Variants in DROSHA observed in about 807,000 individuals in gnomAD.
The protein encoded by DROSHA is ribonuclease 3.
Under a neutral mutation model 181.9 loss-of-function variants are expected in DROSHA, and 56 were observed. The ratio of observed to expected loss-of-function variants is 0.31; its 90% CI spans 0.25 to 0.38. DROSHA has a LOEUF of 0.38. Among genes scored for constraint, DROSHA ranks in the 10% least tolerant of loss-of-function variants. The pLI is 1.00. For missense variants in DROSHA, 1,218 were observed against 1,743.5 expected, an observed-to-expected ratio of 0.70 and a Z score of 5.37; for synonymous variants, 524 against 591.2, an observed-to-expected ratio of 0.89 and a Z score of 1.65.
At chr5:31,406,387 G>C (rs1020239772) in intron 34 of DROSHA, among the ~76,000 whole-genome samples, 2 of 151,988 alleles carry the variant, frequency 1.3e-5, no homozygotes, top group Non-Finnish European at 1.5e-5. Flanking sequence ...GCACATGCCT[G>C]TAATACTAGC....
rs1420527098 is a variant in DROSHA, at chr5:31,470,013, T to C, written c.2242-1950A>G. Reference sequence around the variant, plus strand: ...TGTGGTGTCTACCTTGTCGTATGAGTAACTTGCACACTTCTCAGTAGGATG... The same window carrying C: ...TGTGGTGTCTACCTTGTCGTATGAGCAACTTGCACACTTCTCAGTAGGATG... On this transcript the variant is annotated intron_variant, in intron 17 of 35. Coordinates refer to ENST00000344624, the MANE Select transcript of DROSHA (RefSeq NM_001382508.1). This position sits in a 1 kb window ranked among gnomAD's most constrained non-coding sequence, Gnocchi z 4.0. Among the ~76,000 whole-genome samples, 1 of 152,218 alleles carries C rather than the reference T, an allele frequency of 6.6e-6. No individual in the cohort carries two copies. Among genetic ancestry groups the C allele is most frequent in the African/African-American group, 2.4e-5 (1 of 41,454 alleles).
At chr5:31,429,324 T>A in intron 27 of DROSHA, 151 bp downstream of exon 27, 1 of 608,724 alleles carries the variant, frequency 1.6e-6, no homozygotes, top group Non-Finnish European at 2.6e-6. Context: ...AAGAGTTGAA[T>A]AAGCCATTTT....
At chr5:31,511,521 C>A (rs184051569) in intron 8 of DROSHA, among the ~76,000 whole-genome samples, 1 of 151,952 alleles carries the variant, frequency 6.6e-6, no homozygotes, top group Non-Finnish European at 1.5e-5. Flanking sequence ...GCCTGGGCAA[C>A]ATAGCAAGAC....
chr5:31,453,162 A>C (rs1411003257), intron 20 of DROSHA, among the ~76,000 whole-genome samples: 2 of 152,186 alleles, frequency 1.3e-5, no homozygotes, highest in Non-Finnish European at 2.9e-5. Context: ...CTGTCAGGAA[A>C]ATAAAACCCT....
intron 11 of DROSHA, among the ~76,000 whole-genome samples, chr5:31,500,588 A>C (rs1270254298): frequency 6.6e-6 from 1 of 152,226 alleles, no homozygotes; most frequent in East Asian, 1.9e-4. Context: ...CCAAATAATC[A>C]TGTTGCATGG....
chr5:31,428,506 G>A (rs673019), intron 27 of DROSHA, among the ~76,000 whole-genome samples: 125,292 of 152,198 alleles, frequency 0.82, 52,813 homozygotes, highest in East Asian at 0.97. Context: ...GGGACACAGA[G>A]CATCTGTAGA....
chr5:31,410,008 T>G (rs1741117457), intron 31 of DROSHA, among the ~76,000 whole-genome samples: 1 of 152,176 alleles, frequency 6.6e-6, no homozygotes, highest in Non-Finnish European at 1.5e-5. Context: ...TGTTTAATTT[T>G]TATGTGATTT....
chr5:31,405,390 G>A (rs1385525796), intron 35 of DROSHA, among the ~76,000 whole-genome samples: 20 of 147,576 alleles, frequency 1.4e-4, no homozygotes, highest in South Asian at 2.1e-4. Context: ...AAAAAAAAAA[G>A]AAAGAAAACA....
chr5:31,423,500 G>A (rs369539613), intron 28 of DROSHA, among the ~76,000 whole-genome samples: 3 of 152,146 alleles, frequency 2.0e-5, no homozygotes, highest in East Asian at 1.9e-4. Flanking sequence ...TTGGCAATGA[G>A]CATCATTAAA....
intron 9 of DROSHA, 78 bp downstream of exon 9, chr5:31,510,957 C>G: frequency 6.4e-7 from 1 of 1,553,922 alleles, no homozygotes; most frequent in Non-Finnish European, 8.7e-7. Flanking sequence ...ATGTGGGACT[C>G]TCAAGGGTAT....
At chr5:31,475,188 C>A (rs990966887) in intron 16 of DROSHA, among the ~76,000 whole-genome samples, 1 of 152,062 alleles carries the variant, frequency 6.6e-6, no homozygotes, top group Admixed American at 6.6e-5. Context: ...CATGGTGGTA[C>A]ACACTGGTGG....
rs1485879154 is a variant in DROSHA at position 31,526,869 on chromosome 5, G to A, written c.64C>T (p.Arg22Ter). 5.6e-6 allele frequency: 9 copies of A among 1,613,142 alleles called. No homozygotes were observed. Among genetic ancestry groups the A allele is most frequent in the Non-Finnish European group, 7.6e-6 (9 of 1,179,844 alleles). ...FHPGRGCPRG[R>*]GGHGARPSAP... The stretch of plus-strand genomic sequence containing the variant: ...GAGGGTCTGGCTCCATGTCCTCCTC[G>A]TCCTCGGGGACACCCTCGTCCCGGG... The change falls in exon 5 of 36, where the codon CGA becomes TGA. Residue 22 changes from arginine (R) to a stop codon, truncating the protein, a stop_gained. Coordinates refer to ENST00000344624, the MANE Select transcript of DROSHA (RefSeq NM_001382508.1). LOFTEE classifies it high-confidence loss of function.
intron 13 of DROSHA, among the ~76,000 whole-genome samples, chr5:31,492,083 C>T (rs1013635792): frequency 4.2e-4 from 64 of 152,150 alleles, no homozygotes; most frequent in African/African-American, 5.8e-4. Flanking sequence ...CGTGAGCCAC[C>T]GCACCCAGCC....
chr5:31,476,395 C>T (rs985283609), intron 16 of DROSHA, among the ~76,000 whole-genome samples: 3 of 152,148 alleles, frequency 2.0e-5, no homozygotes, highest in Non-Finnish European at 2.9e-5. Context: ...TCACAAGGTG[C>T]TTATAAGAAT....
intron 34 of DROSHA, 93 bp downstream of exon 34, chr5:31,406,760 A>T: frequency 8.5e-7 from 1 of 1,179,552 alleles, no homozygotes; most frequent in Non-Finnish European, 1.2e-6. Context: ...TCTGAGTTAA[A>T]AAAGACAGAT....
At chr5:31,457,123 CTTTT>C (rs5867080) in intron 20 of DROSHA, among the ~76,000 whole-genome samples, 1 of 99,096 alleles carries the variant, frequency 1.0e-5, no homozygotes, top group Non-Finnish European at 1.8e-5. Context: ...GAAATTAAGC[CTTTT>C]TTTTTTTTTT....
chr5:31,413,805 T>G (rs112363217), intron 30 of DROSHA, among the ~76,000 whole-genome samples: 1 of 152,226 alleles, frequency 6.6e-6, no homozygotes, highest in Admixed American at 6.5e-5. Context: ...TAAAAGCATT[T>G]CAGGGCCTCA....
At chr5:31,513,671 G>A (rs568735327) in intron 8 of DROSHA, among the ~76,000 whole-genome samples, 3 of 152,188 alleles carry the variant, frequency 2.0e-5, no homozygotes, top group South Asian at 2.1e-4. Flanking sequence ...CCACAGATAC[G>A]AGTCCAAATA....
At chr5:31,515,430 A>C in intron 7 of DROSHA, 24 bp downstream of exon 7, 2 of 1,156,132 alleles carry the variant, frequency 1.7e-6, no homozygotes. Context: ...ACAAATTCCC[A>C]GGCCCCACCC....
Sources: allele counts gnomAD v4.1 joint callset (sites outside exome capture counted in the v4.1 genomes callset), GRCh38; gene constraint gnomAD v4.1.1; non-coding constraint Gnocchi (gnomAD v3.1); transcripts MANE v1.5; gene names NCBI Gene and HGNC (gene_info 2026-07-23, HGNC 2026-07-21).